Variants in PCDHA3 observed in about 807,000 individuals in gnomAD.
PCDHA3 encodes the protein protocadherin alpha 3, also known as protocadherin alpha-3.
PCDHA3 carries 41 observed loss-of-function variants against 62.2 expected under a neutral mutation model. The ratio of observed to expected loss-of-function variants is 0.66; its 90% confidence interval spans 0.51 to 0.86. The LOEUF is 0.86. PCDHA3 is among the 40% of genes least tolerant of loss of function. The probability of loss-of-function intolerance (pLI) is 0.00; values close to 1 mark genes in which losing one functional copy is unlikely to be tolerated. For synonymous variants in PCDHA3, 640 were observed against 555.4 expected, an observed-to-expected ratio of 1.15 and a Z score of -2.14; for missense variants, 1,304 against 1,241.2, an observed-to-expected ratio of 1.05 and a Z score of -0.76.
intron 1 of PCDHA3, chr5:140,842,928 G>A (rs2150347921): frequency 6.3e-7 from 1 of 1,594,252 alleles, no homozygotes; most frequent in Admixed American, 1.7e-5. Flanking sequence ...TTCCAGGTGA[G>A]CGCGCGCGAC....
chr5:140,876,690 G>T, intron 1 of PCDHA3: 1 of 1,614,174 alleles, frequency 6.2e-7, no homozygotes, highest in Admixed American at 1.7e-5. Flanking sequence ...ATTACTACTC[G>T]TTGGTGCTGG....
At chr5:140,821,085 T>C (rs1342209208) in intron 1 of PCDHA3, among the ~76,000 whole-genome samples, 3 of 151,810 alleles carry the variant, frequency 2.0e-5, no homozygotes, top group African/African-American at 7.3e-5. Flanking sequence ...TTTTTGAAAA[T>C]AACATCAACA....
intron 1 of PCDHA3, chr5:140,830,319 G>A: frequency 6.2e-7 from 1 of 1,614,036 alleles, no homozygotes; most frequent in Non-Finnish European, 8.5e-7. Context: ...GTGTGCTCCA[G>A]CGCAGTGGGG....
intron 1 of PCDHA3, chr5:140,865,997 T>C (rs990195272): frequency 2.6e-5 from 4 of 152,210 alleles, no homozygotes; most frequent in Admixed American, 6.5e-5. Context: ...AGTTTTTTTA[T>C]GTTAAGTGAT....
intron 1 of PCDHA3, among the ~76,000 whole-genome samples, chr5:140,950,648 T>C (rs2153690319): frequency 6.6e-6 from 1 of 152,222 alleles, no homozygotes; most frequent in East Asian, 1.9e-4. Flanking sequence ...CTGTTTATGG[T>C]TGGCTGAGTT....
chr5:140,803,387 C>A lies in PCDHA3; in HGVS notation c.2190C>A (p.Gly730=), dbSNP rs1763187369. 4 of 1,614,200 alleles carry A rather than the reference C, an allele frequency of 2.5e-6. No homozygotes were observed. The highest frequency in any genetic ancestry group is 3.4e-6 in the Non-Finnish European group (4 of 1,180,032). ...GGTGCTCCGCGCCGCCAACCGAAGG[C>A]GACTGTGGGCCGGGCAAGCCCACGC... is the stretch of plus-strand genomic sequence containing the variant. ...ALRCSAPPTE[G]DCGPGKPTLV... Residue 730 remains glycine, a synonymous_variant, in exon 1 of 4, where the codon GGC becomes GGA. Coordinates refer to ENST00000522353, the MANE Select transcript of PCDHA3 (RefSeq NM_018906.3).
intron 1 of PCDHA3, among the ~76,000 whole-genome samples, chr5:140,913,413 G>A (rs976186231): frequency 3.3e-5 from 5 of 152,050 alleles, no homozygotes; most frequent in Non-Finnish European, 5.9e-5. Flanking sequence ...TTGAATTCCT[G>A]CAGTATCAGT....
chr5:140,994,473 C>T (rs1199561805), intron 3 of PCDHA3, among the ~76,000 whole-genome samples: 2 of 152,038 alleles, frequency 1.3e-5, no homozygotes, highest in Admixed American at 6.5e-5. Flanking sequence ...GAGGCTGAGG[C>T]GGGTGGATTG....
At chr5:140,863,248 G>T (rs782700291) in intron 1 of PCDHA3, 54 of 1,395,948 alleles carry the variant, frequency 3.9e-5, no homozygotes, top group Middle Eastern at 1.9e-4. Flanking sequence ...TTTGGCGGGC[G>T]TCGAGGTCCG....
intron 1 of PCDHA3, among the ~76,000 whole-genome samples, chr5:140,912,304 C>T (rs904729298): frequency 6.6e-6 from 1 of 151,998 alleles, no homozygotes; most frequent in Admixed American, 6.6e-5. Flanking sequence ...TCCTGTAATC[C>T]AGTCAAGTTG....
intron 1 of PCDHA3, chr5:140,829,855 C>A: frequency 6.2e-7 from 1 of 1,613,928 alleles, no homozygotes; most frequent in Non-Finnish European, 8.5e-7. Context: ...TGGGTGCAGG[C>A]CAAGTGGTGG....
At chr5:140,941,255 C>CTTTCTTTCTTTCTTTCTCTT (rs782490896) in intron 1 of PCDHA3, among the ~76,000 whole-genome samples, 1 of 44,508 alleles carries the variant, frequency 2.2e-5, no homozygotes, top group Non-Finnish European at 5.1e-5. Context: ...TTCTTTCTTT[C>CTTTCTTTCTTTCTTTCTCTT]TCTTTCTTTC....
At chr5:140,883,379 C>G in intron 1 of PCDHA3, 1 of 1,614,182 alleles carries the variant, frequency 6.2e-7, no homozygotes, top group Non-Finnish European at 8.5e-7. Flanking sequence ...CATTATTGCC[C>G]TAATCAGTGT....
intron 1 of PCDHA3, chr5:140,877,083 G>T: frequency 6.2e-7 from 1 of 1,613,166 alleles, no homozygotes; most frequent in Non-Finnish European, 8.5e-7. Context: ...AGGTGAGCGC[G>T]CGCGACGCCG....
intron 1 of PCDHA3, among the ~76,000 whole-genome samples, chr5:140,917,324 C>CGGGGGGCG (rs1299895515): frequency 1.3e-5 from 1 of 76,124 alleles, no homozygotes; most frequent in Non-Finnish European, 2.9e-5. Context: ...GTTCATGTGG[C>CGGGGGGCG]GGGGGAGGGG....
intron 1 of PCDHA3, among the ~76,000 whole-genome samples, chr5:140,900,150 C>T (rs265315): frequency 0.046 from 7,055 of 152,208 alleles, 291 homozygotes; most frequent in African/African-American, 0.11. Context: ...TAAGAACATA[C>T]GATATTTGTC....
At chr5:140,969,865 C>T (rs982289120) in intron 1 of PCDHA3, among the ~76,000 whole-genome samples, 1 of 152,204 alleles carries the variant, frequency 6.6e-6, no homozygotes. Flanking sequence ...GGTACTTGCA[C>T]TGAACCTATG....
intron 1 of PCDHA3, chr5:140,852,935 G>A: frequency 1.6e-6 from 1 of 611,692 alleles, no homozygotes; most frequent in Non-Finnish European, 2.1e-6. Flanking sequence ...CTGGAGTGCA[G>A]TGGTGCCATC....
At chr5:140,991,205 A>C (rs1403144779) in intron 3 of PCDHA3, among the ~76,000 whole-genome samples, 3 of 152,226 alleles carry the variant, frequency 2.0e-5, no homozygotes, top group Admixed American at 2.0e-4. Context: ...TGCTCAATAA[A>C]TTTTGTTAAA....
Sources: gnomAD v4.1 joint callset for allele counts (sites outside exome capture counted in the v4.1 genomes callset) on GRCh38, gnomAD v4.1.1 for gene constraint, MANE v1.5 for transcripts, NCBI Gene and HGNC (gene_info 2026-07-23, HGNC 2026-07-21) for gene names.